Variants in GAPVD1 observed in about 807,000 individuals in gnomAD.
GAPVD1 encodes GTPase activating protein and VPS9 domains 1.
A neutral mutation model predicts 155.5 loss-of-function variants in GAPVD1; 35 were observed. The ratio of observed to expected loss-of-function variants is 0.23; its 90% CI spans 0.17 to 0.30. The LOEUF (loss-of-function observed/expected upper bound fraction) is 0.30, where lower values mean the gene tolerates loss of function less well. Among genes scored for constraint, GAPVD1 ranks in the 10% least tolerant of loss-of-function variants. The probability of loss-of-function intolerance (pLI) is 1.00; values close to 1 mark genes in which losing one functional copy is unlikely to be tolerated. For synonymous variants in GAPVD1, 636 were observed against 619.7 expected (o/e 1.03, Z -0.39); for missense variants, 1,429 against 1,775.7 (o/e 0.80, Z 3.51).
rs551743640 is a variant in GAPVD1, at chr9:125,263,690, T to C, written c.-199+1731T>C. ...TTGTCGGCACTAAGTGGCACAGCAC[T>C]CCATCTGTAGGTATGTCTGTCAGCA... On this transcript the variant is annotated intron_variant, in intron 1 of 27. Coordinates refer to ENST00000297933, the MANE Select transcript of GAPVD1 (RefSeq NM_001282680.3). 3.2e-4 allele frequency: 67 copies of C among 212,332 alleles called. No individual in the cohort carries two copies. In the East Asian group the frequency reaches 7.1e-3, roughly 22 times the overall value. 13.2% of individuals were successfully genotyped at this position (212,332 alleles called of 1,614,324 possible). A position where few individuals can be genotyped will look rare whatever the true frequency, so the allele number is the denominator to read the frequency against.
intron 2 of GAPVD1, among the ~76,000 whole-genome samples, chr9:125,271,169 C>G (rs191103026): frequency 6.6e-6 from 1 of 152,088 alleles, no homozygotes. Flanking sequence ...TTAAAAAATA[C>G]AGGCTTTAAA....
intron 9 of GAPVD1, among the ~76,000 whole-genome samples, chr9:125,314,208 A>G (rs1419760145): frequency 6.6e-6 from 1 of 152,202 alleles, no homozygotes; most frequent in Non-Finnish European, 1.5e-5. Flanking sequence ...ATATGTTGAG[A>G]TGTATTTTGA....
chr9:125,306,428 C>G (rs192963893), intron 6 of GAPVD1, among the ~76,000 whole-genome samples: 30 of 152,354 alleles, frequency 2.0e-4, no homozygotes, highest in African/African-American at 6.5e-4. Context: ...ACCATCCCTT[C>G]CTTTCCCTTT....
At chr9:125,290,676 A>T (rs1250641125) in intron 2 of GAPVD1, among the ~76,000 whole-genome samples, 1 of 152,202 alleles carries the variant, frequency 6.6e-6, no homozygotes, top group South Asian at 2.1e-4. Flanking sequence ...CATGTGTCAC[A>T]ACAGTAAGCG....
rs769870989 is a variant in GAPVD1, at chr9:125,302,820, G to A, written c.1023G>A (p.Leu341=). 2 of 1,593,026 alleles carry A rather than the reference G, an allele frequency of 1.3e-6. No individual in the cohort carries two copies. Among genetic ancestry groups the A allele is most frequent in the Admixed American group, 1.8e-5 (1 of 56,636 alleles). ...APINEVARFN[L]MQVGRLLQQL... ...TTAATGAAGTAGCACGATTTAATCT[G>A]ATGCAGGTATGCTTTTGCTATTATT... Residue 341 remains leucine, a synonymous_variant, in exon 5 of 28, where the codon CTG becomes CTA. Transcript: ENST00000297933.
intron 27 of GAPVD1, among the ~76,000 whole-genome samples, chr9:125,362,381 C>G (rs1306293719): frequency 1.3e-5 from 2 of 152,084 alleles, no homozygotes; most frequent in African/African-American, 4.8e-5. Context: ...GGATAGAAAC[C>G]TCTAGATAGA....
Position 125,307,996 on chromosome 9 carries a change from A to C in GAPVD1, c.1441+116A>C, listed in dbSNP as rs1330982432. 4 of 712,390 alleles carry C rather than the reference A, an allele frequency of 5.6e-6. No homozygotes were observed. In the African/African-American group the frequency reaches 7.2e-5, roughly 13 times the overall value. The allele number at this position is 712,390 out of a possible 1,614,324, so 44.1% of individuals were successfully genotyped here. A position where few individuals can be genotyped will look rare whatever the true frequency, so the allele number is the denominator to read the frequency against. ...AGTACTTGGGAAAGTCTTTCTCTTC[A>C]TGTTTACTGATGGTATTTCAGTTTT... On this transcript the variant is annotated intron_variant, in intron 8 of 27. Coordinates refer to ENST00000297933, the MANE Select transcript of GAPVD1 (RefSeq NM_001282680.3).
chr9:125,324,200 C>T (rs962086814), intron 11 of GAPVD1, among the ~76,000 whole-genome samples: 2 of 152,056 alleles, frequency 1.3e-5, no homozygotes, highest in Non-Finnish European at 2.9e-5. Context: ...ACTCAAGGCT[C>T]AAGGAACTTA....
intron 1 of GAPVD1, among the ~76,000 whole-genome samples, chr9:125,264,675 G>T (rs768815793): frequency 4.6e-5 from 7 of 151,606 alleles, no homozygotes; most frequent in Admixed American, 6.6e-5. Flanking sequence ...CCTGAGAAAA[G>T]AAATTTTACT....
At chr9:125,314,281 A>C (rs145942764) in intron 9 of GAPVD1, among the ~76,000 whole-genome samples, 1 of 152,344 alleles carries the variant, frequency 6.6e-6, no homozygotes, top group East Asian at 1.9e-4. Context: ...AAACTAAGAA[A>C]ATAAATTTTT....
At chr9:125,304,291 C>G (rs1211232067) in intron 5 of GAPVD1, among the ~76,000 whole-genome samples, 2 of 152,166 alleles carry the variant, frequency 1.3e-5, no homozygotes, top group African/African-American at 4.8e-5. Flanking sequence ...GAACTCCTGG[C>G]CTCAGGTAAT....
intron 25 of GAPVD1, among the ~76,000 whole-genome samples, chr9:125,357,986 A>AAAAAAC (rs1554790826): frequency 6.6e-6 from 1 of 150,552 alleles, no homozygotes; most frequent in African/African-American, 2.4e-5. Flanking sequence ...AAAAAAAAAA[A>AAAAAAC]ACACACACAC....
intron 1 of GAPVD1, among the ~76,000 whole-genome samples, chr9:125,265,438 G>T (rs1191022040): frequency 2.0e-5 from 3 of 151,318 alleles, no homozygotes; most frequent in Non-Finnish European, 4.4e-5. Flanking sequence ...CTGAGAGGGA[G>T]TCTTACTTGT....
chr9:125,285,457 T>G (rs973967928), intron 2 of GAPVD1, among the ~76,000 whole-genome samples: 4 of 143,856 alleles, frequency 2.8e-5, no homozygotes, highest in East Asian at 2.0e-4. Context: ...TTCTTTGTTT[T>G]TTTTTTTTTT....
At position 125,302,214 on chromosome 9, in the gene GAPVD1, T is replaced by C; in HGVS notation, c.417T>C (p.Asn139=). 6.2e-7 allele frequency: 1 copy of C among 1,613,834 alleles called. No individual in the cohort carries two copies. The highest frequency in any genetic ancestry group is 1.3e-5 in the African/African-American group (1 of 75,030). ...IYTVFTSLYG[N]CIMQEDESYL... ...CAGTTTTTACCTCCCTGTATGGCAATTGCATCATGCAAGAAGATGAAAGCT... is the reference window on the plus strand; with the variant it reads ...CAGTTTTTACCTCCCTGTATGGCAACTGCATCATGCAAGAAGATGAAAGCT... Residue 139 remains asparagine, a synonymous_variant, in exon 5 of 28, where the codon AAT becomes AAC. Transcript: ENST00000297933.
At chr9:125,310,654 C>T (rs796934713) in intron 8 of GAPVD1, among the ~76,000 whole-genome samples, 87 of 151,176 alleles carry the variant, frequency 5.8e-4, no homozygotes, top group African/African-American at 2.1e-3. Context: ...ATTCTCCTGC[C>T]TCAGCCTCCC....
At position 125,270,682 on chromosome 9, in the gene GAPVD1, G is replaced by A. The variant is rs918153605; in HGVS notation, c.-150+1698G>A. 3.9e-5 allele frequency among the ~76,000 whole-genome samples: 6 copies of A among 152,090 alleles called. 1 individual carries two copies. Among genetic ancestry groups the A allele is most frequent in the Admixed American group, 6.6e-5 (1 of 15,264 alleles). On this transcript the variant is annotated intron_variant, in intron 2 of 27. Coordinates refer to ENST00000297933, the MANE Select transcript of GAPVD1 (RefSeq NM_001282680.3). ...GTTGAGGCCGGGCGCAGTGGCTCAC[G>A]CCTGTAATCCCAGCACTTTGGGAGG...
intron 20 of GAPVD1, among the ~76,000 whole-genome samples, chr9:125,347,735 A>T (rs887948509): frequency 1.3e-5 from 2 of 151,408 alleles, no homozygotes; most frequent in African/African-American, 4.9e-5. Flanking sequence ...AAAAAAAAAC[A>T]AACATAAATA....
At chr9:125,357,168 C>G (rs1190812373) in intron 25 of GAPVD1, among the ~76,000 whole-genome samples, 1 of 152,206 alleles carries the variant, frequency 6.6e-6, no homozygotes, top group Non-Finnish European at 1.5e-5. Flanking sequence ...GATGAATGTT[C>G]TCTCCACACT....
Sources: allele counts gnomAD v4.1 joint callset (sites outside exome capture counted in the v4.1 genomes callset), GRCh38; gene constraint gnomAD v4.1.1; transcripts MANE v1.5; gene names NCBI Gene and HGNC (gene_info 2026-07-23, HGNC 2026-07-21).